Variants in ZFAT observed in about 807,000 individuals in gnomAD.
ZFAT encodes zinc finger protein ZFAT.
ZFAT carries 64 observed loss-of-function variants against 117.7 expected under a neutral mutation model. The ratio of observed to expected loss-of-function variants is 0.54; its 90% confidence interval spans 0.44 to 0.67. ZFAT has a LOEUF of 0.67. Among genes scored for constraint, ZFAT ranks in the 30% least tolerant of loss-of-function variants. The probability of loss-of-function intolerance (pLI) is 0.00; values close to 1 mark genes in which losing one functional copy is unlikely to be tolerated. For synonymous variants in ZFAT, 679 were observed against 615.0 expected (o/e 1.10, Z -1.54); for missense variants, 1,433 against 1,584.5 (o/e 0.90, Z 1.62).
chr8:134,654,443 T>C (rs1831469959), intron 2 of ZFAT, among the ~76,000 whole-genome samples: 1 of 152,122 alleles, frequency 6.6e-6, no homozygotes, highest in Non-Finnish European at 1.5e-5. Flanking sequence ...TTTACAAGTG[T>C]GGGTTCACCT....
At chr8:134,636,584 T>C (rs955690570) in intron 3 of ZFAT, among the ~76,000 whole-genome samples, 1 of 152,206 alleles carries the variant, frequency 6.6e-6, no homozygotes, top group African/African-American at 2.4e-5. Flanking sequence ...CCAGAGCCTA[T>C]GTTCTTAATG....
At chr8:134,795,495 G>C in the ZFAT span, 1 of 152,162 alleles carries the variant, frequency 6.6e-6, no homozygotes, top group Non-Finnish European at 1.5e-5. Context: ...GTGTGCACAG[G>C]AGTCATACAA....
chr8:134,496,665 G>C (rs1271047380), intron 15 of ZFAT, among the ~76,000 whole-genome samples: 1 of 152,230 alleles, frequency 6.6e-6, no homozygotes, highest in Non-Finnish European at 1.5e-5. Context: ...CCCAGAGATG[G>C]GTGAGACCAA....
chr8:134,810,088 CCAAAA>C, the ZFAT span, among the ~76,000 whole-genome samples: 1 of 152,116 alleles, frequency 6.6e-6, no homozygotes, highest in African/African-American at 2.4e-5. Flanking sequence ...TGAACTACAC[CCAAAA>C]CAAAACTGAT....
In ZFAT at chr8:134,565,437, G is replaced by C; in HGVS notation, c.2888-16C>G. ...AACTGCTTCCCTGGAAAGAAGCGGA[G>C]GACAAGATGAGCGTCGCCAGGCCAA... On this transcript the variant is annotated splice_polypyrimidine_tract_variant and intron_variant, in intron 10 of 15. Transcript: ENST00000377838. 6.2e-7 allele frequency: 1 copy of C among 1,610,908 alleles called. No individual in the cohort carries two copies. Among genetic ancestry groups the C allele is most frequent in the East Asian group, 2.2e-5 (1 of 44,874 alleles).
intron 5 of ZFAT, among the ~76,000 whole-genome samples, chr8:134,603,925 G>C (rs1320690043): frequency 6.6e-6 from 1 of 152,196 alleles, no homozygotes; most frequent in African/African-American, 2.4e-5. Flanking sequence ...TATCATGGTT[G>C]GTTTAGAACA....
At chr8:134,733,138 T>C in the ZFAT span, among the ~76,000 whole-genome samples, 3 of 152,140 alleles carry the variant, frequency 2.0e-5, no homozygotes, top group African/African-American at 7.2e-5. Context: ...AAAAATCATC[T>C]CCTAATGCTA....
chr8:134,571,943 T>C (rs994716464), intron 10 of ZFAT, among the ~76,000 whole-genome samples: 2 of 152,142 alleles, frequency 1.3e-5, no homozygotes, highest in African/African-American at 4.8e-5. Flanking sequence ...CAAAACAAAA[T>C]AGCCATCCCG....
chr8:134,817,076 A>C, the ZFAT span, among the ~76,000 whole-genome samples: 1 of 152,130 alleles, frequency 6.6e-6, no homozygotes, highest in African/African-American at 2.4e-5. Context: ...TTAATGTGTC[A>C]ACTTGGCTAG....
Position 134,552,642 on chromosome 8 carries a change from C to T in ZFAT, c.2976+12691G>A, listed in dbSNP as rs77761029. Among the ~76,000 whole-genome samples, 430 of 152,310 alleles carry T rather than the reference C, an allele frequency of 2.8e-3. 3 individuals carry two copies. The highest frequency in any genetic ancestry group is 9.8e-3 in the African/African-American group (408 of 41,570). On this transcript the variant is annotated intron_variant, in intron 11 of 15. Transcript: ENST00000377838. ...TTCCCTTGTGAAAGAGCATACTCAT[C>T]TATACCAAAAGGCTGATGGCTACAG...
the ZFAT span, among the ~76,000 whole-genome samples, chr8:134,822,715 C>T: frequency 6.6e-6 from 1 of 152,186 alleles, no homozygotes; most frequent in African/African-American, 2.4e-5. Flanking sequence ...AAAAACTCTT[C>T]TTCCCTTAAA....
Position 134,501,260 on chromosome 8 carries a change from C to T in ZFAT, c.3492+8359G>A, listed in dbSNP as rs1004609356. On this transcript the variant is annotated intron_variant, in intron 15 of 15. Coordinates refer to ENST00000377838, the MANE Select transcript of ZFAT (RefSeq NM_020863.4). ...GCCTATGCTCTCGGTCCTGGAGATACGCAACCAATTTGCCCGCCTACAGAG... is the reference window on the plus strand; with the variant it reads ...GCCTATGCTCTCGGTCCTGGAGATATGCAACCAATTTGCCCGCCTACAGAG... 1.5e-4 allele frequency among the ~76,000 whole-genome samples: 23 copies of T among 152,250 alleles called. 1 individual carries two copies. The highest frequency in any genetic ancestry group is 4.1e-4 in the African/African-American group (17 of 41,538).
chr8:134,717,568 C>T (rs535921529), upstream of ZFAT, among the ~76,000 whole-genome samples: 1 of 138,864 alleles, frequency 7.2e-6, no homozygotes, highest in South Asian at 2.4e-4. Context: ...ACTGCAAGCT[C>T]TGCCTCCTGG....
chr8:134,495,563 T>C (rs1282215268), intron 15 of ZFAT, among the ~76,000 whole-genome samples: 4 of 152,196 alleles, frequency 2.6e-5, no homozygotes, highest in Admixed American at 2.0e-4. Context: ...TCAAATGATT[T>C]TGAGCCACAA....
chr8:134,829,363 C>A, the ZFAT span, among the ~76,000 whole-genome samples: 3 of 152,198 alleles, frequency 2.0e-5, no homozygotes, highest in African/African-American at 4.8e-5. Flanking sequence ...AGATTGGACA[C>A]CGCTGCCTTA....
intron 11 of ZFAT, among the ~76,000 whole-genome samples, chr8:134,543,893 C>CT (rs1822477514): frequency 6.6e-6 from 1 of 152,188 alleles, no homozygotes; most frequent in Non-Finnish European, 1.5e-5. Flanking sequence ...AATGCCCCCT[C>CT]TTATGCTTTG....
chr8:134,756,695 G>C, the ZFAT span, among the ~76,000 whole-genome samples: 1 of 152,194 alleles, frequency 6.6e-6, no homozygotes, highest in Non-Finnish European at 1.5e-5. Flanking sequence ...CCTCCTAAGG[G>C]GCAGCTCACG....
chr8:134,646,400 T>G (rs1479057842), intron 2 of ZFAT, among the ~76,000 whole-genome samples: 1 of 151,520 alleles, frequency 6.6e-6, no homozygotes, highest in East Asian at 1.9e-4. Flanking sequence ...ATACCAAAAC[T>G]TATAGGATGT....
chr8:134,799,016 G>T, the ZFAT span, among the ~76,000 whole-genome samples: 2 of 151,966 alleles, frequency 1.3e-5, no homozygotes, highest in Admixed American at 1.3e-4. Context: ...TAAAAATTTG[G>T]CAAGTTTCAA....
Sources: gnomAD v4.1 joint callset for allele counts (sites outside exome capture counted in the v4.1 genomes callset) on GRCh38, gnomAD v4.1.1 for gene constraint, MANE v1.5 for transcripts, NCBI Gene and HGNC (gene_info 2026-07-23, HGNC 2026-07-21) for gene names.